The following ETS1 variants were observed in gnomAD, a reference collection of about 807,000 sequenced individuals.
ETS1 encodes ETS proto-oncogene 1, transcription factor, also known as protein C-ets-1.
ETS1 carries 15 observed loss-of-function variants against 58.6 expected under a neutral mutation model. The ratio of observed to expected loss-of-function variants is 0.26; its 90% CI spans 0.17 to 0.39. The LOEUF (loss-of-function observed/expected upper bound fraction) is 0.39, where lower values mean the gene tolerates loss of function less well. Ranked by LOEUF, ETS1 falls within the 10% of genes least tolerant of loss-of-function variation. The pLI, the probability that ETS1 is intolerant of heterozygous loss-of-function variation, is 1.00. For missense variants in ETS1, 417 were observed against 610.5 expected (o/e 0.68, Z 3.34); for synonymous variants, 214 against 218.2 (o/e 0.98, Z 0.17).
chr11:128,508,193 G>A (rs996570281), intron 3 of ETS1, among the ~76,000 whole-genome samples: 3 of 152,158 alleles, frequency 2.0e-5, no homozygotes, highest in South Asian at 2.1e-4. Flanking sequence ...TTTAACAACC[G>A]CTGAAGTAAT....
At position 128,585,167 on chromosome 11, in the gene ETS1, AGAGAAAGAAAGAAAGAAAGAAGGAAG is replaced by A. The variant is rs1350120707; in HGVS notation, c.-15+2295_-15+2320del. ...AAGAAAGAAAGAAAGAAAGAAAGAA[AGAGAAAGAAAGAAAGAAAGAAGGAAG>A]GAAAGAAAGAAAGAAAGAAAGAAAG... On this transcript the variant is annotated intron_variant, in intron 1 of 9. Transcript: ENST00000392668. 3.8e-3 allele frequency among the ~76,000 whole-genome samples: 147 copies of A among 38,964 alleles called. 12 individuals carry two copies. Among genetic ancestry groups the A allele is most frequent in the Middle Eastern group, 6.6e-3 (1 of 152 alleles). 25.6% of individuals were successfully genotyped at this position (38,964 alleles called of 152,430 possible).
chr11:128,463,384 G>A lies in ETS1; in HGVS notation c.1242+125C>T, dbSNP rs1052028246. 6.1e-5 allele frequency: 41 copies of A among 667,692 alleles called. No individual in the cohort carries two copies. The highest frequency in any genetic ancestry group is 7.4e-5 in the Non-Finnish European group (27 of 365,590). The allele number at this position is 667,692 out of a possible 1,614,324, so 41.4% of individuals were successfully genotyped here. On this transcript the variant is annotated intron_variant, in intron 9 of 9. Transcript: ENST00000392668. This position sits in a 1 kb window ranked among gnomAD's most constrained non-coding sequence, Gnocchi z 4.1. ...TCAGACAGGCTACCTAGCTTGCTCC[G>A]GGTGGCAAGTGGCAGAGCTGGGAAT...
chr11:128,499,368 T>A (rs1863026620), intron 3 of ETS1, among the ~76,000 whole-genome samples: 1 of 152,198 alleles, frequency 6.6e-6, no homozygotes, highest in Non-Finnish European at 1.5e-5. Context: ...TAGAACTGTA[T>A]CTTTTAGAAA....
chr11:128,515,599 C>T (rs953600095), intron 3 of ETS1, among the ~76,000 whole-genome samples: 2 of 152,146 alleles, frequency 1.3e-5, no homozygotes, highest in African/African-American at 4.8e-5. Context: ...GTGTCTAACT[C>T]GGGTGGCCCT....
chr11:128,574,080 A>T (rs1864692914), intron 1 of ETS1, among the ~76,000 whole-genome samples: 1 of 152,228 alleles, frequency 6.6e-6, no homozygotes, highest in Non-Finnish European at 1.5e-5. Flanking sequence ...GAAATGTCTT[A>T]TGTTCAATTT....
intron 3 of ETS1, among the ~76,000 whole-genome samples, chr11:128,522,658 T>C (rs971198339): frequency 2.6e-5 from 4 of 152,172 alleles, no homozygotes; most frequent in African/African-American, 9.6e-5. Context: ...GCCTCCACCG[T>C]TTCGGGAAAG....
chr11:128,505,802 G>A (rs75167969), intron 3 of ETS1, among the ~76,000 whole-genome samples: 1 of 152,320 alleles, frequency 6.6e-6, no homozygotes, highest in African/African-American at 2.4e-5. Context: ...GCCCTCATCC[G>A]CTGCTAATAA....
At chr11:128,569,324 T>C (rs1254344889) in intron 2 of ETS1, among the ~76,000 whole-genome samples, 1 of 114,540 alleles carries the variant, frequency 8.7e-6, no homozygotes. Flanking sequence ...TCTTCTTTTT[T>C]TTTTTTTTTT....
chr11:128,570,603 T>C (rs1864607382), intron 2 of ETS1, among the ~76,000 whole-genome samples: 1 of 152,204 alleles, frequency 6.6e-6, no homozygotes, highest in African/African-American at 2.4e-5. Flanking sequence ...TACCTGTAAA[T>C]AGAATTAACA....
At position 128,462,627 on chromosome 11, in the gene ETS1, C is replaced by G. The variant is rs1275126540; in HGVS notation, c.1243-51G>C. 1.8e-5 allele frequency: 25 copies of G among 1,405,024 alleles called. No homozygotes were observed. In the East Asian group the frequency reaches 5.7e-4, roughly 32 times the overall value. 87.0% of individuals were successfully genotyped at this position (1,405,024 alleles called of 1,614,324 possible). ...GAGGAGTAGGCAAAAATCTACAAGA[C>G]AGGCCAAATATATATGTTTCTATGC... On this transcript the variant is annotated intron_variant, in intron 9 of 9. Coordinates refer to ENST00000392668, the MANE Select transcript of ETS1 (RefSeq NM_001143820.2).
At chr11:128,541,908 G>C (rs1864063392) in intron 3 of ETS1, among the ~76,000 whole-genome samples, 1 of 152,150 alleles carries the variant, frequency 6.6e-6, no homozygotes, top group Non-Finnish European at 1.5e-5. Flanking sequence ...CTCAACACAG[G>C]TATTGATTAT....
At chr11:128,480,513 ACTGT>A in intron 7 of ETS1, 62 bp from the exon 8 acceptor site, 2 of 1,153,398 alleles carry the variant, frequency 1.7e-6, no homozygotes, top group Non-Finnish European at 2.6e-6. Context: ...AAAAAAAAAA[ACTGT>A]AAAAACCCTC....
intron 3 of ETS1, among the ~76,000 whole-genome samples, chr11:128,545,834 G>T (rs372566936): frequency 2.6e-5 from 4 of 152,172 alleles, no homozygotes; most frequent in African/African-American, 9.7e-5. Flanking sequence ...AGAAAATGTG[G>T]CATCATGGTG....
chr11:128,523,904 G>A (rs1032127637), intron 3 of ETS1, among the ~76,000 whole-genome samples: 2 of 149,090 alleles, frequency 1.3e-5, no homozygotes, highest in African/African-American at 2.4e-5. Flanking sequence ...ACATTTACAC[G>A]TCCAAATGAA....
intron 6 of ETS1, 80 bp from the exon 7 acceptor site, chr11:128,485,151 A>G (rs1862593731): frequency 5.6e-6 from 7 of 1,260,378 alleles, no homozygotes; most frequent in Non-Finnish European, 7.8e-6. Context: ...ACAGGGCCCT[A>G]TGATGTGGGA....
chr11:128,557,773 A>G (rs1383021304), intron 2 of ETS1, among the ~76,000 whole-genome samples: 1 of 152,208 alleles, frequency 6.6e-6, no homozygotes, highest in Non-Finnish European at 1.5e-5. Flanking sequence ...TATTGACATT[A>G]AGGTCTCAAT....
At chr11:128,480,109 T>G in intron 8 of ETS1, 82 bp downstream of exon 8, 1 of 1,560,752 alleles carries the variant, frequency 6.4e-7, no homozygotes, top group South Asian at 1.2e-5. Flanking sequence ...TCGTCTCTGG[T>G]CAGAGGTGCA....
intron 2 of ETS1, among the ~76,000 whole-genome samples, chr11:128,561,195 A>C (rs979337714): frequency 2.6e-5 from 4 of 152,158 alleles, no homozygotes; most frequent in Admixed American, 2.6e-4. Flanking sequence ...GTAGAGAGCC[A>C]TGCAGGCCAA....
chr11:128,526,948 A>C (rs1464003349), intron 3 of ETS1: 2 of 456,272 alleles, frequency 4.4e-6, no homozygotes, highest in Non-Finnish European at 8.8e-6. Flanking sequence ...CAATCTAAAA[A>C]AGTCAGTGTC....
Sources: gnomAD v4.1 joint callset for allele counts (sites outside exome capture counted in the v4.1 genomes callset) on GRCh38, gnomAD v4.1.1 for gene constraint, Gnocchi (gnomAD v3.1) non-coding constraint, MANE v1.5 for transcripts, NCBI Gene and HGNC (gene_info 2026-07-23, HGNC 2026-07-21) for gene names.